Variants in EPHA3 observed in about 807,000 individuals in gnomAD.
The protein encoded by EPHA3 is EPH receptor A3.
A neutral mutation model predicts 107.1 loss-of-function variants in EPHA3; 42 were observed. The ratio of observed to expected loss-of-function variants is 0.39; its 90% CI spans 0.31 to 0.51. The LOEUF (loss-of-function observed/expected upper bound fraction) is 0.51, where lower values mean the gene tolerates loss of function less well. Among genes scored for constraint, EPHA3 ranks in the 20% least tolerant of loss-of-function variants. The pLI, the probability that EPHA3 is intolerant of heterozygous loss-of-function variation, is 0.78. For synonymous variants in EPHA3, 461 were observed against 424.8 expected (o/e 1.09, Z -1.05); for missense variants, 1,183 against 1,211.2 (o/e 0.98, Z 0.35).
chr3:89,406,606 A>G (rs1709059353), intron 7 of EPHA3, among the ~76,000 whole-genome samples: 1 of 152,124 alleles, frequency 6.6e-6, no homozygotes, highest in East Asian at 1.9e-4. Flanking sequence ...GAATTTTCAC[A>G]TGTCATGAAA....
intron 2 of EPHA3, among the ~76,000 whole-genome samples, chr3:89,152,918 G>C (rs529120281): frequency 6.6e-6 from 1 of 152,124 alleles, no homozygotes; most frequent in East Asian, 1.9e-4. Flanking sequence ...GGCTCAGTTT[G>C]TAGTATTTAT....
At chr3:89,154,195 T>C (rs1451686457) in intron 2 of EPHA3, among the ~76,000 whole-genome samples, 1 of 152,018 alleles carries the variant, frequency 6.6e-6, no homozygotes, top group African/African-American at 2.4e-5. Flanking sequence ...GTTACTGTTA[T>C]TATTTATATC....
intron 3 of EPHA3, among the ~76,000 whole-genome samples, chr3:89,288,822 T>G (rs1706148753): frequency 6.6e-6 from 1 of 152,150 alleles, no homozygotes; most frequent in South Asian, 2.1e-4. Context: ...AGTGTAAGCT[T>G]AAAAATAGAA....
intron 2 of EPHA3, among the ~76,000 whole-genome samples, chr3:89,178,814 T>G (rs1705375144): frequency 6.6e-6 from 1 of 151,894 alleles, no homozygotes; most frequent in Non-Finnish European, 1.5e-5. Context: ...AAAAGAAAAG[T>G]GTTTTATATC....
At chr3:89,471,144 A>G (rs2107573993) in intron 15 of EPHA3, among the ~76,000 whole-genome samples, 1 of 151,994 alleles carries the variant, frequency 6.6e-6, no homozygotes, top group Admixed American at 6.6e-5. Context: ...TTATAAGTCA[A>G]AGGACAATTA....
intron 3 of EPHA3, among the ~76,000 whole-genome samples, chr3:89,331,827 A>C (rs564131532): frequency 6.6e-6 from 1 of 152,250 alleles, no homozygotes; most frequent in East Asian, 1.9e-4. Flanking sequence ...GAGTATTCAG[A>C]TGTAGTAGTG....
chr3:89,443,688 A>G (rs978652799), intron 13 of EPHA3, among the ~76,000 whole-genome samples: 16 of 152,184 alleles, frequency 1.1e-4, no homozygotes, highest in Admixed American at 9.2e-4. Flanking sequence ...AGTTTTGTAA[A>G]CAGCAGAGGT....
chr3:89,472,017 A>G lies in EPHA3; in HGVS notation c.2691-447A>G, dbSNP rs116627047. On this transcript the variant is annotated intron_variant, in intron 15 of 16. Coordinates refer to ENST00000336596, the MANE Select transcript of EPHA3 (RefSeq NM_005233.6). ...TGTTCAAGCCATTCTTTAGACAGCA[A>G]CCTGTGCAATGTCAAACAAACAAAC... is the stretch of plus-strand genomic sequence containing the variant. Among the ~76,000 whole-genome samples the G allele has an allele frequency of 7.0e-3, 1,062 of 152,254 alleles. 13 individuals carry two copies. The highest frequency in any genetic ancestry group is 0.024 in the African/African-American group (1,016 of 41,548).
At chr3:89,413,114 TGC>T in intron 9 of EPHA3, 25 bp from the exon 10 acceptor site, 2 of 1,609,726 alleles carry the variant, frequency 1.2e-6, no homozygotes, top group Non-Finnish European at 1.7e-6. Context: ...TAGCTACAAT[TGC>T]GCCTTTCTTT....
rs1707961926 is a variant in EPHA3, at chr3:89,356,532, A to C, written c.1306+14442A>C. Among the ~76,000 whole-genome samples, 2 of 151,250 alleles carry C rather than the reference A, an allele frequency of 1.3e-5. 1 individual carries two copies. The highest frequency in any genetic ancestry group is 3.0e-5 in the Non-Finnish European group (2 of 67,546). On this transcript the variant is annotated intron_variant, in intron 5 of 16. Transcript: ENST00000336596. ...CTTTTTAATGATTGCCATTCTAGTA[A>C]GATCAAATTCTGATACATTTCTTTG...
chr3:89,419,316 T>C lies in EPHA3; in HGVS notation c.2000T>C (p.Phe667Ser), dbSNP rs774002419. 6.2e-7 allele frequency: 1 copy of C among 1,610,406 alleles called. No individual in the cohort carries two copies. Among genetic ancestry groups the C allele is most frequent in the African/African-American group, 1.3e-5 (1 of 74,674 alleles). Residue 667 changes from phenylalanine (F) to serine (S), a missense_variant, in exon 11 of 17, where the codon TTC (phenylalanine) becomes TCC (serine). By Grantham distance (155) the Phe-to-Ser change is radical (BLOSUM62 -2). Coordinates refer to ENST00000336596, the MANE Select transcript of EPHA3 (RefSeq NM_005233.6). ...VGYTEKQRRDFLGEASIMGQF... is the reference protein window; with the variant it reads ...VGYTEKQRRDSLGEASIMGQF... ...TACACAGAAAAGCAGAGGAGAGACTTCCTGGGAGAAGCAAGCATTATGGGA... is the reference window on the plus strand; with the variant it reads ...TACACAGAAAAGCAGAGGAGAGACTCCCTGGGAGAAGCAAGCATTATGGGA...
At chr3:89,245,000 A>C (rs922021470) in intron 3 of EPHA3, among the ~76,000 whole-genome samples, 1 of 152,226 alleles carries the variant, frequency 6.6e-6, no homozygotes, top group Non-Finnish European at 1.5e-5. Flanking sequence ...ATTAAAGTGT[A>C]TTGCAGAAAG....
At chr3:89,305,960 T>C (rs1172517518) in intron 3 of EPHA3, among the ~76,000 whole-genome samples, 2 of 152,174 alleles carry the variant, frequency 1.3e-5, no homozygotes, top group Non-Finnish European at 2.9e-5. Flanking sequence ...AGAAAAGGAC[T>C]ACATATTATG....
At chr3:89,187,126 T>G (rs1705585504) in intron 2 of EPHA3, among the ~76,000 whole-genome samples, 1 of 151,744 alleles carries the variant, frequency 6.6e-6, no homozygotes, top group African/African-American at 2.4e-5. Context: ...ATTTTTATCC[T>G]CACGAATATT....
intron 3 of EPHA3, among the ~76,000 whole-genome samples, chr3:89,305,017 G>A (rs1706580763): frequency 6.6e-6 from 1 of 152,080 alleles, no homozygotes; most frequent in South Asian, 2.1e-4. Flanking sequence ...TCATTTCATG[G>A]ATTATTTTTC....
At chr3:89,467,260 A>T (rs916760600) in intron 15 of EPHA3, among the ~76,000 whole-genome samples, 1 of 152,170 alleles carries the variant, frequency 6.6e-6, no homozygotes, top group East Asian at 1.9e-4. Flanking sequence ...CTATTCTCAA[A>T]CAATAATAAA....
intron 5 of EPHA3, among the ~76,000 whole-genome samples, chr3:89,370,971 A>G (rs1387716788): frequency 6.6e-6 from 1 of 151,604 alleles, no homozygotes; most frequent in East Asian, 1.9e-4. Context: ...CATTTTGGTA[A>G]TGGATATAAA....
rs180963505 is a variant in EPHA3, at chr3:89,334,838, A to G, written c.815-6078A>G. Among the ~76,000 whole-genome samples, 54 of 152,304 alleles carry G rather than the reference A, an allele frequency of 3.5e-4. No homozygotes were observed. The East Asian group carries it at 0.01, about 29-fold the overall frequency. On this transcript the variant is annotated intron_variant, in intron 3 of 16. Coordinates refer to ENST00000336596, the MANE Select transcript of EPHA3 (RefSeq NM_005233.6). ...TCTAAGCCAACACCTATTTAATAGG[A>G]AAAGCTAGATCAAAACATGCCATTT...
intron 7 of EPHA3, among the ~76,000 whole-genome samples, chr3:89,405,555 T>G (rs1432818813): frequency 6.6e-6 from 1 of 152,206 alleles, no homozygotes; most frequent in Non-Finnish European, 1.5e-5. Flanking sequence ...CAGATGCTGC[T>G]CACAGGAAAC....
Sources: gnomAD v4.1 joint callset for allele counts (sites outside exome capture counted in the v4.1 genomes callset) on GRCh38, gnomAD v4.1.1 for gene constraint, MANE v1.5 for transcripts, NCBI Gene and HGNC (gene_info 2026-07-23, HGNC 2026-07-21) for gene names.